Variants in GALNT7 observed in about 807,000 individuals in gnomAD.
GALNT7 encodes the protein N-acetylgalactosaminyltransferase 7.
A neutral mutation model predicts 82.1 loss-of-function variants in GALNT7; 60 were observed. The observed-to-expected ratio is 0.73, with a 90% CI of 0.59 to 0.91. GALNT7 has a LOEUF of 0.91. GALNT7 is among the 40% of genes least tolerant of loss of function. The pLI is 0.00. For missense variants in GALNT7, 660 were observed against 804.2 expected (o/e 0.82, Z 2.17); for synonymous variants, 243 against 275.1 (o/e 0.88, Z 1.15).
chr4:173,215,378 G>A (rs1733411805), intron 1 of GALNT7, among the ~76,000 whole-genome samples: 1 of 151,946 alleles, frequency 6.6e-6, no homozygotes, highest in Non-Finnish European at 1.5e-5. Flanking sequence ...TTACAGGCGT[G>A]TGCCACCATG....
chr4:173,246,500 G>C lies in GALNT7; in HGVS notation c.127-1480G>C, dbSNP rs138552657. Among the ~76,000 whole-genome samples the C allele has an allele frequency of 2.3e-3, 346 of 152,294 alleles. 1 individual carries two copies. Among genetic ancestry groups the C allele is most frequent in the African/African-American group, 8.0e-3 (332 of 41,560 alleles). On this transcript the variant is annotated intron_variant, in intron 1 of 11. Transcript: ENST00000265000. ...CCCCTGCAGAAGGAAAGGCAGGAAA[G>C]CTTGCTTTTCACTACATGCCCTTTT...
intron 1 of GALNT7, among the ~76,000 whole-genome samples, chr4:173,231,815 T>C (rs1476838812): frequency 1.3e-5 from 2 of 152,132 alleles, no homozygotes; most frequent in African/African-American, 2.4e-5. Context: ...AAACTAGAAA[T>C]GGCACAGAAT....
chr4:173,315,852 C>T (rs1024577041), intron 9 of GALNT7: 15 of 152,164 alleles, frequency 9.9e-5, no homozygotes, highest in Admixed American at 4.6e-4. Flanking sequence ...CCTATCTCCT[C>T]CCCCCAACCC....
chr4:173,259,278 G>A (rs1029894625), intron 2 of GALNT7, among the ~76,000 whole-genome samples: 1 of 152,218 alleles, frequency 6.6e-6, no homozygotes, highest in African/African-American at 2.4e-5. Context: ...GGAAGACTTT[G>A]TCCTAAGATG....
chr4:173,322,034 G>T lies in GALNT7; in HGVS notation c.*317G>T. On this transcript the variant is annotated 3_prime_UTR_variant, in exon 12 of 12. Coordinates refer to ENST00000265000, the MANE Select transcript of GALNT7 (RefSeq NM_017423.3). Reference sequence around the variant, plus strand: ...GAGTTAAAGCATGTTGTCTTCTTTGGGATTACACTCAGGGGTCTGAAAGGC... The same window carrying T: ...GAGTTAAAGCATGTTGTCTTCTTTGTGATTACACTCAGGGGTCTGAAAGGC... The T allele has an allele frequency of 5.5e-6, 1 of 183,204 alleles. No individual in the cohort carries two copies. The highest frequency in any genetic ancestry group is 1.2e-5 in the Non-Finnish European group (1 of 86,726). The allele number at this position is 183,204 out of a possible 1,614,324, so 11.3% of individuals were successfully genotyped here. A position where few individuals can be genotyped will look rare whatever the true frequency, so the allele number is the denominator to read the frequency against.
chr4:173,172,660 G>A (rs547016729), intron 1 of GALNT7, among the ~76,000 whole-genome samples: 1 of 152,250 alleles, frequency 6.6e-6, no homozygotes, highest in East Asian at 1.9e-4. Flanking sequence ...CTTTTGAGGC[G>A]AAATCTGAAC....
At chr4:173,176,361 T>G (rs552567065) in intron 1 of GALNT7, among the ~76,000 whole-genome samples, 122 of 152,272 alleles carry the variant, frequency 8.0e-4, no homozygotes, top group Non-Finnish European at 1.4e-3. Context: ...GATGGGGGTG[T>G]GTGGCTCTTG....
chr4:173,178,462 T>C (rs1295908804), intron 1 of GALNT7, among the ~76,000 whole-genome samples: 2 of 152,210 alleles, frequency 1.3e-5, no homozygotes, highest in African/African-American at 2.4e-5. Context: ...CTAGGGCCTA[T>C]GTCTTTTTGG....
chr4:173,188,952 C>G (rs1732538150), intron 1 of GALNT7, among the ~76,000 whole-genome samples: 1 of 152,154 alleles, frequency 6.6e-6, no homozygotes, highest in Non-Finnish European at 1.5e-5. Flanking sequence ...GCTGAGTAGC[C>G]CCTGGCCTTA....
intron 1 of GALNT7, among the ~76,000 whole-genome samples, chr4:173,214,843 A>G (rs948283283): frequency 6.6e-6 from 1 of 151,190 alleles, no homozygotes; most frequent in African/African-American, 2.4e-5. Flanking sequence ...CCTAGTAGTG[A>G]CAGCATTTTC....
intron 2 of GALNT7, among the ~76,000 whole-genome samples, chr4:173,283,038 G>A (rs1007711399): frequency 6.6e-6 from 1 of 152,196 alleles, no homozygotes; most frequent in Non-Finnish European, 1.5e-5. Flanking sequence ...CTGAGCTGCA[G>A]CCAGAGATGG....
chr4:173,284,563 T>G (rs750575807), intron 2 of GALNT7, among the ~76,000 whole-genome samples: 1 of 152,202 alleles, frequency 6.6e-6, no homozygotes, highest in Non-Finnish European at 1.5e-5. Flanking sequence ...GGACCCTTTG[T>G]AGCACCCAAA....
chr4:173,292,116 A>G lies in GALNT7; in HGVS notation c.596A>G (p.Tyr199Cys). The change falls in exon 3 of 12, where the codon TAT becomes TGT. Residue 199 changes from tyrosine to cysteine, a missense_variant. Transcript: ENST00000265000. This position sits in a 1 kb window ranked among gnomAD's most constrained non-coding sequence, Gnocchi z 4.8. ...AAATTTTCTCTTTACAGATGCAAGT[A>G]TTGGCATTATGATGAAAACTTGCTC... ...VNDLRQEECK[Y>C]WHYDENLLTS... The G allele has an allele frequency of 6.2e-7, 1 of 1,604,708 alleles. No individual in the cohort carries two copies. The highest frequency in any genetic ancestry group is 1.1e-5 in the South Asian group (1 of 89,350).
Position 173,318,569 on chromosome 4 carries a change from A to G in GALNT7, c.1836+10A>G, listed in dbSNP as rs201363477. 3 of 1,492,520 alleles carry G rather than the reference A, an allele frequency of 2.0e-6. No individual in the cohort carries two copies. Among genetic ancestry groups the G allele is most frequent in the Non-Finnish European group, 2.8e-6 (3 of 1,073,976 alleles). 92.5% of individuals were successfully genotyped at this position (1,492,520 alleles called of 1,614,324 possible). ...ATGGCAGTACTTCAAGGTATTCTGC[A>G]TTTTAACTTCTGAAATATTATATGC... is the stretch of plus-strand genomic sequence containing the variant. On this transcript the variant is annotated intron_variant, in intron 11 of 11. Coordinates refer to ENST00000265000, the MANE Select transcript of GALNT7 (RefSeq NM_017423.3).
intron 1 of GALNT7, among the ~76,000 whole-genome samples, chr4:173,195,811 G>A (rs995478247): frequency 2.6e-5 from 4 of 152,154 alleles, no homozygotes; most frequent in African/African-American, 9.7e-5. Flanking sequence ...AGTAGATCTG[G>A]CATTTGGGAT....
chr4:173,203,773 C>CG (rs1733012527), intron 1 of GALNT7, among the ~76,000 whole-genome samples: 1 of 152,070 alleles, frequency 6.6e-6, no homozygotes, highest in Non-Finnish European at 1.5e-5. Context: ...GCTTTTGATG[C>CG]CACAATTTAT....
intron 2 of GALNT7, among the ~76,000 whole-genome samples, chr4:173,262,577 T>C (rs1735315653): frequency 6.6e-6 from 1 of 152,238 alleles, no homozygotes. Flanking sequence ...ACAAGTGATG[T>C]CAGTTGTTTT....
chr4:173,224,808 C>T (rs1233465328), intron 1 of GALNT7, among the ~76,000 whole-genome samples: 10 of 151,546 alleles, frequency 6.6e-5, no homozygotes, highest in South Asian at 2.1e-4. Context: ...GTCAGGAGAT[C>T]CAGACCATCC....
intron 1 of GALNT7, among the ~76,000 whole-genome samples, chr4:173,182,817 T>TACACACACACACACACAC (rs66792322): frequency 1.5e-4 from 20 of 134,920 alleles, no homozygotes; most frequent in African/African-American, 5.5e-4. Context: ...TTACTCATAA[T>TACACACACACACACACAC]ACACACACAC....
Sources: gnomAD v4.1 joint callset for allele counts (sites outside exome capture counted in the v4.1 genomes callset) on GRCh38, gnomAD v4.1.1 for gene constraint, Gnocchi (gnomAD v3.1) non-coding constraint, MANE v1.5 for transcripts, NCBI Gene and HGNC (gene_info 2026-07-23, HGNC 2026-07-21) for gene names.